The following RIF1 variants were observed in gnomAD, a reference collection of about 807,000 sequenced individuals.
RIF1 encodes replication timing regulatory factor 1.
RIF1 carries 45 observed loss-of-function variants against 247.1 expected under a neutral mutation model. That is an observed-to-expected ratio of 0.18 (90% CI 0.14 to 0.23). The LOEUF (loss-of-function observed/expected upper bound fraction) is 0.23. Among genes scored for constraint, RIF1 ranks in the 10% least tolerant of loss-of-function variants. RIF1 has a pLI of 1.00. For synonymous variants in RIF1, 1,087 were observed against 978.8 expected, an observed-to-expected ratio of 1.11 and a Z score of -2.06; for missense variants, 2,967 against 2,862.5, an observed-to-expected ratio of 1.04 and a Z score of -0.83.
chr2:151,490,461 C>T lies in RIF1; in HGVS notation c.*416-4768C>T, dbSNP rs374494479. ...ATGCTCAGACTTCTCCTCACCCCCA[C>T]TGATGCTTAGTGCACTGGCAGATCG... On this transcript the variant is annotated intron_variant and NMD_transcript_variant, in intron 9 of 13. Transcript: ENST00000454583. 2 of 1,608,016 alleles carry T rather than the reference C, an allele frequency of 1.2e-6. No individual in the cohort carries two copies. Among genetic ancestry groups the T allele is most frequent in the Admixed American group, 1.7e-5 (1 of 59,414 alleles).
In RIF1 at chr2:151,465,887, C is replaced by G. The variant is rs1019605218; in HGVS notation, c.6367C>G (p.Pro2123Ala). ...DHHTSQKVEE[P>A]SQCLASGTAI... is the part of the protein sequence containing the mutation. ...CCATACTTCACAGAAAGTGGAGGAA[C>G]CATCACAGTGTCTGGCATCTGGAAC... The change falls in exon 30 of 36, where the codon CCA becomes GCA. Residue 2123 changes from proline to alanine, a missense_variant. This residue lies in a region of RIF1 where 2,028 missense variants were observed against 1,825.6 expected (regional missense o/e 1.11). Coordinates refer to ENST00000444746, the MANE Select transcript of RIF1 (RefSeq NM_018151.5). 11 of 1,613,768 alleles carry G rather than the reference C, an allele frequency of 6.8e-6. No homozygotes were observed. Among genetic ancestry groups the G allele is most frequent in the Middle Eastern group, 1.7e-4 (1 of 6,060 alleles).
At chr2:151,473,377 G>T (rs1343659893) in intron 34 of RIF1, among the ~76,000 whole-genome samples, 2 of 147,550 alleles carry the variant, frequency 1.4e-5, no homozygotes, top group East Asian at 4.0e-4. Context: ...GCCCACTGCA[G>T]CTGCACCTCC....
intron 7 of RIF1, among the ~76,000 whole-genome samples, chr2:151,421,577 TGTTTTGTTTTTTGTTTGAGACA>T (rs1014642120): frequency 1.3e-5 from 2 of 152,150 alleles, no homozygotes; most frequent in African/African-American, 4.8e-5. Context: ...TTGAAGGTCT[TGTTTTGTTTTTTGTTTGAGACA>T]AGGTCTCACT....
chr2:151,456,915 G>A (rs952427564), intron 23 of RIF1, among the ~76,000 whole-genome samples: 3 of 151,958 alleles, frequency 2.0e-5, no homozygotes, highest in African/African-American at 7.2e-5. Context: ...TGTGTATTTA[G>A]TAGAGACAGG....
intron 3 of RIF1, 25 bp from the exon 4 acceptor site, chr2:151,414,798 A>G: frequency 6.5e-7 from 1 of 1,535,160 alleles, no homozygotes; most frequent in Non-Finnish European, 9.0e-7. Context: ...GCTTGTTTGT[A>G]ATAAATGTGA....
At chr2:151,432,583 G>T (rs935995010) in intron 9 of RIF1, among the ~76,000 whole-genome samples, 11 of 151,966 alleles carry the variant, frequency 7.2e-5, no homozygotes, top group African/African-American at 2.7e-4. Context: ...AGCCTTTTTT[G>T]ACATAATGTA....
Position 151,463,062 on chromosome 2 carries a change from G to A in RIF1, c.3542G>A (p.Arg1181Lys), listed in dbSNP as rs1396627072. 2.0e-5 allele frequency: 32 copies of A among 1,613,876 alleles called. No homozygotes were observed. Among genetic ancestry groups the A allele is most frequent in the Non-Finnish European group, 2.3e-5 (27 of 1,179,934 alleles). ...AGAAAAAAAGCTTTAATTTCATCAA[G>A]GAAAACATCAACTGAATGTGCATCT... is the stretch of plus-strand genomic sequence containing the variant. Reference protein sequence around the residue: ...DERKKALISSRKTSTECASST... With the variant: ...DERKKALISSKKTSTECASST... Residue 1181 changes from arginine (R) to lysine (K), a missense_variant, in exon 30 of 36, where the codon AGG becomes AAG. Coordinates refer to ENST00000444746, the MANE Select transcript of RIF1 (RefSeq NM_018151.5).
At chr2:151,410,969 T>A (rs144054799) in intron 2 of RIF1, among the ~76,000 whole-genome samples, 1 of 152,204 alleles carries the variant, frequency 6.6e-6, no homozygotes, top group Middle Eastern at 3.2e-3. Flanking sequence ...TTGGAAAGGC[T>A]TAGCAAATCG....
chr2:151,493,063 C>T (rs1307623721), intron 9 of RIF1: 3 of 309,934 alleles, frequency 9.7e-6, no homozygotes, highest in African/African-American at 4.4e-5. Context: ...TAGTTGGTTA[C>T]GTAGAACTAC....
downstream of RIF1, among the ~76,000 whole-genome samples, chr2:151,509,446 G>A (rs1249276956): frequency 6.6e-6 from 1 of 152,048 alleles, no homozygotes; most frequent in East Asian, 1.9e-4. Flanking sequence ...GGTTTGCAGA[G>A]CTGGTGCTAA....
chr2:151,521,699 C>A, the RIF1 span, among the ~76,000 whole-genome samples: 2 of 152,176 alleles, frequency 1.3e-5, no homozygotes, highest in East Asian at 3.9e-4. Flanking sequence ...AGCAGCAATC[C>A]CATTGATTCC....
chr2:151,441,908 C>G lies in RIF1; in HGVS notation c.1651C>G (p.Leu551Val). 6.6e-7 allele frequency: 1 copy of G among 1,508,028 alleles called. No homozygotes were observed. The highest frequency in any genetic ancestry group is 9.1e-7 in the Non-Finnish European group (1 of 1,099,144). 93.4% of individuals were successfully genotyped at this position (1,508,028 alleles called of 1,614,324 possible). Residue 551 changes from leucine to valine, a missense_variant, in exon 16 of 36, where the codon CTC becomes GTC. Physicochemically the swap from Leu to Val is conservative, Grantham distance 32 (BLOSUM62 1). Transcript: ENST00000444746. Reference protein sequence around the residue: ...EVFPVSKTLVLMEITIKGLPQ... With the variant: ...EVFPVSKTLVVMEITIKGLPQ... ...TAAAACCTTTTATCTCTCATAGGTC[C>G]TCATGGAAATTACAATTAAAGGACT...
At chr2:151,528,636 G>A in the RIF1 span, among the ~76,000 whole-genome samples, 2 of 152,038 alleles carry the variant, frequency 1.3e-5, no homozygotes, top group East Asian at 1.9e-4. Flanking sequence ...GTACTAATTC[G>A]GTTACAATGG....
rs1331693150 is a variant in RIF1 at position 151,479,584 on chromosome 2, G to C, written c.*4513G>C. ...CTATAATGAATAAGTCAGTCTAGCA[G>C]ATATGCCCTGTCATTATACTGCGGA... On this transcript the variant is annotated 3_prime_UTR_variant, in exon 36 of 36. Transcript: ENST00000444746. The C allele has an allele frequency of 6.6e-6, 1 of 152,144 alleles. No individual in the cohort carries two copies. The highest frequency in any genetic ancestry group is 2.4e-5 in the African/African-American group (1 of 41,428). The allele number at this position is 152,144 out of a possible 1,614,324, so 9.4% of individuals were successfully genotyped here.
In RIF1 at chr2:151,493,465, A is replaced by G. The variant is rs886038450; in HGVS notation, c.*416-1764A>G. ...CAATACCTAGGGAAGCCAAAAGAGC[A>G]TCTAGGCATCAGACAGCAGAAAACC... On this transcript the variant is annotated intron_variant and NMD_transcript_variant, in intron 9 of 13. Coordinates refer to the RIF1 transcript ENST00000454583. 3 of 1,507,912 alleles carry G rather than the reference A, an allele frequency of 2.0e-6. No homozygotes were observed. Among genetic ancestry groups the G allele is most frequent in the Non-Finnish European group, 2.7e-6 (3 of 1,107,776 alleles). 93.4% of individuals were successfully genotyped at this position (1,507,912 alleles called of 1,614,324 possible). A position where few individuals can be genotyped will look rare whatever the true frequency, so the allele number is the denominator to read the frequency against.
At position 151,478,330 on chromosome 2, in the gene RIF1, A is replaced by G. The variant is rs535506773; in HGVS notation, c.*3259A>G. On this transcript the variant is annotated 3_prime_UTR_variant, in exon 36 of 36. Coordinates refer to ENST00000444746, the MANE Select transcript of RIF1 (RefSeq NM_018151.5). ...GCGAAATCCTGTCTCTACTAAAAAT[A>G]CAAAAACCAGCCAGGCATGTTGGCG... The G allele has an allele frequency of 1.1e-4, 17 of 152,336 alleles. No individual in the cohort carries two copies. Among genetic ancestry groups the G allele is most frequent in the African/African-American group, 4.1e-4 (17 of 41,562 alleles). The allele number at this position is 152,336 out of a possible 1,614,324, so 9.4% of individuals were successfully genotyped here. A position where few individuals can be genotyped will look rare whatever the true frequency, so the allele number is the denominator to read the frequency against.
At chr2:151,473,560 G>A (rs377558148) in intron 34 of RIF1, among the ~76,000 whole-genome samples, 5 of 151,972 alleles carry the variant, frequency 3.3e-5, no homozygotes, top group Non-Finnish European at 5.9e-5. Flanking sequence ...AATTACAGGG[G>A]TGAGCCACTG....
rs985543325 is a variant in RIF1 at position 151,478,505 on chromosome 2, T to C, written c.*3434T>C. On this transcript the variant is annotated 3_prime_UTR_variant, in exon 36 of 36. Transcript: ENST00000444746. ...AAAAAAAAAAAGTTTAATTCTAACA[T>C]TGCCCATGGATTTTTTTTTTTCTGT... 2.0e-5 allele frequency: 3 copies of C among 151,318 alleles called. No homozygotes were observed. The highest frequency in any genetic ancestry group is 2.9e-5 in the Non-Finnish European group (2 of 67,842). The allele number at this position is 151,318 out of a possible 1,614,324, so 9.4% of individuals were successfully genotyped here. A position where few individuals can be genotyped will look rare whatever the true frequency, so the allele number is the denominator to read the frequency against.
At chr2:151,514,777 A>G in the RIF1 span, 1 of 1,339,224 alleles carries the variant, frequency 7.5e-7, no homozygotes. Context: ...TAGTGCAATT[A>G]TTTGGATTAA....
Sources: gnomAD v4.1 joint callset for allele counts (sites outside exome capture counted in the v4.1 genomes callset) on GRCh38, gnomAD v4.1.1 for gene constraint, gnomAD v4.1.1 regional missense constraint, MANE v1.5 for transcripts, NCBI Gene and HGNC (gene_info 2026-07-23, HGNC 2026-07-21) for gene names.